Variants in STK32B observed in about 807,000 individuals in gnomAD.
The protein encoded by STK32B is serine/threonine-protein kinase 32B.
STK32B carries 43 observed loss-of-function variants against 52.6 expected under a neutral mutation model. The ratio of observed to expected loss-of-function variants is 0.82; its 90% CI spans 0.64 to 1.05. The LOEUF (loss-of-function observed/expected upper bound fraction) is 1.05. STK32B is among the 50% of genes least tolerant of loss of function. STK32B has a pLI of 0.00. For synonymous variants in STK32B, 238 were observed against 204.3 expected (o/e 1.17, Z -1.41); for missense variants, 621 against 534.6 (o/e 1.16, Z -1.59).
At chr4:5,048,217 C>T (rs1171521441), upstream of STK32B, among the ~76,000 whole-genome samples, 4 of 151,988 alleles carry the variant, frequency 2.6e-5, no homozygotes, top group East Asian at 5.8e-4. Flanking sequence ...GCAACCTCCA[C>T]CTCCCAGGTT....
At chr4:5,148,996 T>C (rs1480493011) in intron 2 of STK32B, among the ~76,000 whole-genome samples, 2 of 151,844 alleles carry the variant, frequency 1.3e-5, no homozygotes, top group Non-Finnish European at 3.0e-5. Flanking sequence ...GTACTCTTTA[T>C]TTTGAAACTT....
intron 1 of STK32B, among the ~76,000 whole-genome samples, chr4:5,073,749 G>T (rs551627445): frequency 1.3e-5 from 2 of 152,062 alleles, no homozygotes; most frequent in East Asian, 3.9e-4. Context: ...ACCAGACATA[G>T]AATTCTCAGT....
intron 6 of STK32B, among the ~76,000 whole-genome samples, chr4:5,426,695 A>AAAAAAC (rs1242169474): frequency 0.017 from 2,420 of 143,748 alleles, 23 homozygotes; most frequent in Non-Finnish European, 0.028. Context: ...ATCTAAACAA[A>AAAAAAC]AAAAAAAAAA....
the STK32B span, among the ~76,000 whole-genome samples, chr4:5,038,109 T>C: frequency 1.3e-5 from 2 of 152,128 alleles, no homozygotes; most frequent in Admixed American, 6.5e-5. Context: ...ATTGGAAAAA[T>C]GCTTAGACAT....
At chr4:5,422,935 A>C (rs973279311) in intron 6 of STK32B, among the ~76,000 whole-genome samples, 1 of 152,190 alleles carries the variant, frequency 6.6e-6, no homozygotes, top group Non-Finnish European at 1.5e-5. Flanking sequence ...CAGACGGAAC[A>C]ACCCATACAA....
chr4:5,170,388 C>T (rs1012322201), intron 3 of STK32B, among the ~76,000 whole-genome samples: 1 of 152,018 alleles, frequency 6.6e-6, no homozygotes, highest in Non-Finnish European at 1.5e-5. Flanking sequence ...ATACATGTGA[C>T]TTGTTGGTGT....
chr4:5,280,617 G>A (rs959212628), intron 3 of STK32B, among the ~76,000 whole-genome samples: 1 of 152,238 alleles, frequency 6.6e-6, no homozygotes, highest in African/African-American at 2.4e-5. Flanking sequence ...ATACCTGGCC[G>A]AGCGCAGTGG....
intron 3 of STK32B, among the ~76,000 whole-genome samples, chr4:5,218,095 T>A (rs571506253): frequency 1.3e-5 from 2 of 152,254 alleles, no homozygotes; most frequent in East Asian, 3.9e-4. Flanking sequence ...ATTGCTTACA[T>A]CTATACACCT....
intron 4 of STK32B, among the ~76,000 whole-genome samples, chr4:5,334,836 C>G (rs372637950): frequency 1.3e-5 from 2 of 152,060 alleles, no homozygotes; most frequent in African/African-American, 4.8e-5. Flanking sequence ...CCCACTTGAT[C>G]ATGGTGGATA....
chr4:5,071,998 T>G (rs954620783), intron 1 of STK32B, among the ~76,000 whole-genome samples: 3 of 152,150 alleles, frequency 2.0e-5, no homozygotes, highest in Non-Finnish European at 4.4e-5. Context: ...CACCCCCTGG[T>G]GACCCTTGTG....
At chr4:5,294,530 T>C (rs908287683) in intron 3 of STK32B, among the ~76,000 whole-genome samples, 4 of 152,106 alleles carry the variant, frequency 2.6e-5, no homozygotes, top group Non-Finnish European at 5.9e-5. Context: ...ATTCTCTTTG[T>C]AGCAATTGTG....
intron 4 of STK32B, among the ~76,000 whole-genome samples, chr4:5,364,411 C>T (rs1440647532): frequency 6.6e-6 from 1 of 152,228 alleles, no homozygotes; most frequent in Non-Finnish European, 1.5e-5. Context: ...ATTTGTCAAA[C>T]ATGCACTCTT....
chr4:5,488,978 T>G (rs922163156), intron 11 of STK32B, among the ~76,000 whole-genome samples: 2 of 152,114 alleles, frequency 1.3e-5, no homozygotes, highest in African/African-American at 2.4e-5. Context: ...TGTTATATGT[T>G]AATTAAAATT....
At chr4:5,134,773 C>T (rs534393485) in intron 1 of STK32B, among the ~76,000 whole-genome samples, 18 of 152,310 alleles carry the variant, frequency 1.2e-4, no homozygotes, top group African/African-American at 2.6e-4. Context: ...AGGGCAGGAA[C>T]GGGATGTTTG....
intron 3 of STK32B, among the ~76,000 whole-genome samples, chr4:5,324,648 T>A (rs77023765): frequency 0.026 from 3,919 of 152,206 alleles, 169 homozygotes; most frequent in African/African-American, 0.089. Context: ...CCCTCCAAAT[T>A]GTGACAACAA....
intron 3 of STK32B, among the ~76,000 whole-genome samples, chr4:5,255,959 G>GAC: frequency 6.6e-6 from 1 of 152,226 alleles, no homozygotes; most frequent in Non-Finnish European, 1.5e-5. Flanking sequence ...TGAATGGAGT[G>GAC]ACACACACAG....
rs539979614 is a variant in STK32B at position 5,168,218 on chromosome 4, A to G, written c.109-81A>G. The G allele has an allele frequency of 3.4e-4, 517 of 1,512,676 alleles. 6 individuals are homozygous for G. The South Asian group carries it at 6.5e-3, about 19-fold the overall frequency. The allele number at this position is 1,512,676 out of a possible 1,614,324, so 93.7% of individuals were successfully genotyped here. ...CAGGGACGTGAATCCAGAAGTAAAA[A>G]TGCAGTGCGGGGTGACATTTCTCCT... On this transcript the variant is annotated intron_variant, in intron 2 of 11. Transcript: ENST00000282908.
At chr4:5,052,710 T>A (rs1214672013) in intron 1 of STK32B, among the ~76,000 whole-genome samples, 1 of 152,204 alleles carries the variant, frequency 6.6e-6, no homozygotes, top group Non-Finnish European at 1.5e-5. Flanking sequence ...CCACTAGTAA[T>A]CCACGTGAAA....
chr4:5,410,007 T>G (rs899380679), intron 5 of STK32B, among the ~76,000 whole-genome samples: 1 of 152,216 alleles, frequency 6.6e-6, no homozygotes, highest in African/African-American at 2.4e-5. Flanking sequence ...GCTTCTTTTT[T>G]CCTTTTACCA....
Sources: gnomAD v4.1 joint callset for allele counts (sites outside exome capture counted in the v4.1 genomes callset) on GRCh38, gnomAD v4.1.1 for gene constraint, MANE v1.5 for transcripts, NCBI Gene and HGNC (gene_info 2026-07-23, HGNC 2026-07-21) for gene names.